ADGRL1: variants seen among roughly 807,000 people sequenced by gnomAD.
ADGRL1 encodes the protein adhesion G protein-coupled receptor L1, also known as CIRL-1.
ADGRL1 carries 31 observed loss-of-function variants against 148.9 expected under a neutral mutation model. The ratio of observed to expected loss-of-function variants is 0.21; its 90% CI spans 0.16 to 0.28. The LOEUF (loss-of-function observed/expected upper bound fraction) is 0.28, where lower values mean the gene tolerates loss of function less well. Among genes scored for constraint, ADGRL1 ranks in the 10% least tolerant of loss-of-function variants. ADGRL1 has a pLI of 1.00. For missense variants in ADGRL1, 1,521 were observed against 2,058.8 expected, an observed-to-expected ratio of 0.74 and a Z score of 5.05; for synonymous variants, 937 against 900.3, an observed-to-expected ratio of 1.04 and a Z score of -0.73.
In ADGRL1 at chr19:14,151,472, C is replaced by T. The variant is rs763058520; in HGVS notation, c.3811G>A (p.Asp1271Asn). 11 of 1,612,188 alleles carry T rather than the reference C, an allele frequency of 6.8e-6. No individual in the cohort carries two copies. Among genetic ancestry groups the T allele is most frequent in the Admixed American group, 1.7e-5 (1 of 59,704 alleles). The stretch of plus-strand genomic sequence containing the variant: ...ATCATCTTCTCAAAGGCCGCCGCAT[C>T]GGCTAGGTTCCGGCCTCGGGGCGGC... ...PEPPRGRNLADAAAFEKMIIS... is the reference protein window; with the variant it reads ...PEPPRGRNLANAAAFEKMIIS... The change falls in exon 23 of 23, where the codon GAT becomes AAT. Residue 1271 changes from aspartate to asparagine, a missense_variant. This residue lies in a region of ADGRL1 where 390 missense variants were observed against 375.0 expected (regional missense o/e 1.04). Transcript: ENST00000361434.
At chr19:14,205,194 C>G (rs1406791475) in intron 1 of ADGRL1, among the ~76,000 whole-genome samples, 1 of 152,032 alleles carries the variant, frequency 6.6e-6, no homozygotes, top group Non-Finnish European at 1.5e-5. Context: ...GTCCCAGGAC[C>G]GTCAGATGGG....
Position 14,161,537 on chromosome 19 carries a change from G to A in ADGRL1, c.1285C>T (p.Leu429Phe). ...STASPAATTP[L>F]RRAPLTTHPV... The stretch of plus-strand genomic sequence containing the variant: ...TGCGTGGTGAGGGGTGCCCGGCGGA[G>A]CGGGGTGGTGGCTGCGGGCGAGGCT... Residue 429 changes from leucine to phenylalanine, a missense_variant, in exon 6 of 23, where the codon CTC (leucine) becomes TTC (phenylalanine). Leu to Phe is a conservative substitution (Grantham distance 22). Coordinates refer to ENST00000361434, the MANE Select transcript of ADGRL1 (RefSeq NM_014921.5). This position sits in a 1 kb window ranked among gnomAD's most constrained non-coding sequence, Gnocchi z 4.4. The A allele has an allele frequency of 2.1e-6, 3 of 1,452,174 alleles. No individual in the cohort carries two copies. The highest frequency in any genetic ancestry group is 2.7e-6 in the Non-Finnish European group (3 of 1,102,614). The allele number at this position is 1,452,174 out of a possible 1,614,324, so 90.0% of individuals were successfully genotyped here. A position where few individuals can be genotyped will look rare whatever the true frequency, so the allele number is the denominator to read the frequency against.
In ADGRL1 at chr19:14,158,560, G is replaced by C; in HGVS notation, c.2150-8C>G. The C allele has an allele frequency of 6.2e-7, 1 of 1,610,180 alleles. No individual in the cohort carries two copies. Among genetic ancestry groups the C allele is most frequent in the Non-Finnish European group, 8.5e-7 (1 of 1,176,870 alleles). On this transcript the variant is annotated splice_polypyrimidine_tract_variant and splice_region_variant and intron_variant, in intron 11 of 22. Transcript: ENST00000361434. ...AGACAACTTTGACCACCCCTGGTGA[G>C]AACAGGCACGTTTGGATGTGTCAGC...
intron 1 of ADGRL1, among the ~76,000 whole-genome samples, chr19:14,192,849 C>G (rs972354813): frequency 6.6e-6 from 1 of 152,180 alleles, no homozygotes; most frequent in African/African-American, 2.4e-5. Context: ...CCGTGCCCAG[C>G]CTTCTAGATT....
chr19:14,203,418 G>A (rs1345050260), intron 1 of ADGRL1, among the ~76,000 whole-genome samples: 2 of 152,098 alleles, frequency 1.3e-5, no homozygotes, highest in African/African-American at 4.8e-5. Context: ...CCTCCCCACC[G>A]AGATGCCTGC....
intron 1 of ADGRL1, among the ~76,000 whole-genome samples, chr19:14,200,499 AGAG>A (rs1972529468): frequency 1.3e-5 from 2 of 152,170 alleles, no homozygotes; most frequent in Non-Finnish European, 2.9e-5. Context: ...AAAGGACTGA[AGAG>A]AAGAAGAGAA....
chr19:14,190,564 G>T (rs73509785), intron 1 of ADGRL1, among the ~76,000 whole-genome samples: 1,820 of 152,328 alleles, frequency 0.012, 35 homozygotes, highest in African/African-American at 0.041. Flanking sequence ...ATTCTGCCTG[G>T]TTAAAACGTG....
Position 14,155,136 on chromosome 19 carries a change from G to A in ADGRL1, c.3294+223C>T. The A allele has an allele frequency of 4.8e-6, 2 of 413,484 alleles. No homozygotes were observed. The highest frequency in any genetic ancestry group is 8.9e-6 in the Non-Finnish European group (2 of 225,158). The allele number at this position is 413,484 out of a possible 1,614,324, so 25.6% of individuals were successfully genotyped here. ...TCTGCTCTCACTCCTCTAAGTTGCT[G>A]TATCTTGTTTTCCAGAACCCTCTTC... On this transcript the variant is annotated intron_variant, in intron 18 of 22. Transcript: ENST00000361434. The surrounding 1 kb of genome is among the most constrained non-coding windows in gnomAD (Gnocchi z 5.0).
intron 1 of ADGRL1, among the ~76,000 whole-genome samples, chr19:14,190,614 T>TTC (rs1470319663): frequency 3.9e-5 from 6 of 152,040 alleles, no homozygotes; most frequent in African/African-American, 1.4e-4. Flanking sequence ...TTGACCTACA[T>TTC]CCCCCGCCTT....
In ADGRL1 at chr19:14,157,266, G is replaced by A. The variant is rs1323250549; in HGVS notation, c.2730C>T (p.Asp910=). ...CCCAGCCCACCTCATACTGAGTCTT[G>A]TCGATCCCGACCAGGAAGAGCAGCT... The part of the protein sequence containing the change: ...LAELLFLVGI[D]KTQYEIACPI... Residue 910 remains aspartate (D), a synonymous_variant, in exon 14 of 23, where the codon GAC becomes GAT. Coordinates refer to ENST00000361434, the MANE Select transcript of ADGRL1 (RefSeq NM_014921.5). The surrounding 1 kb of genome is among the most constrained non-coding windows in gnomAD (Gnocchi z 7.5). 3.7e-6 allele frequency: 6 copies of A among 1,614,070 alleles called. No homozygotes were observed. Among genetic ancestry groups the A allele is most frequent in the African/African-American group, 2.7e-5 (2 of 75,034 alleles).
At chr19:14,158,859 A>G (rs1392539702) in intron 11 of ADGRL1, among the ~76,000 whole-genome samples, 1 of 152,172 alleles carries the variant, frequency 6.6e-6, no homozygotes, top group African/African-American at 2.4e-5. Flanking sequence ...CTTCATCTCA[A>G]TGGCCCCATC....
chr19:14,162,086 T>C lies in ADGRL1; in HGVS notation c.1196-460A>G, dbSNP rs1289818716. On this transcript the variant is annotated intron_variant, in intron 5 of 22. Transcript: ENST00000361434. The surrounding 1 kb of genome is among the most constrained non-coding windows in gnomAD (Gnocchi z 5.4). ...CTTCTGGGGGCCTCAACTCCCCCTT[T>C]TGCAAACAAGATGGGGTTAGATCGG... 3.9e-5 allele frequency among the ~76,000 whole-genome samples: 6 copies of C among 152,156 alleles called. No homozygotes were observed. Among genetic ancestry groups the C allele is most frequent in the Admixed American group, 6.5e-5 (1 of 15,284 alleles).
rs773016649 is a variant in ADGRL1 at position 14,151,347 on chromosome 19, C to T, written c.3936G>A (p.Gly1312=). 20 of 1,599,658 alleles carry T rather than the reference C, an allele frequency of 1.3e-5. No homozygotes were observed. The highest frequency in any genetic ancestry group is 1.7e-5 in the Non-Finnish European group (20 of 1,174,036). ...CGGGCCCGCCCGCCTCTTCCTCGCCCCCGCCCCCTGGCACAGGTGGCACAG... is the reference window on the plus strand; with the variant it reads ...CGGGCCCGCCCGCCTCTTCCTCGCCTCCGCCCCCTGGCACAGGTGGCACAG... The part of the protein sequence containing the change: ...EPPVPPVPGG[G]GEEEAGGPGG... The change falls in exon 23 of 23, where the codon GGG becomes GGA. Residue 1312 remains glycine, a synonymous_variant. Coordinates refer to ENST00000361434, the MANE Select transcript of ADGRL1 (RefSeq NM_014921.5).
rs368883016 is a variant in ADGRL1, at chr19:14,159,553, C to T, written c.1871G>A (p.Arg624Gln). The T allele has an allele frequency of 1.4e-5, 23 of 1,603,634 alleles. No individual in the cohort carries two copies. The highest frequency in any genetic ancestry group is 5.5e-5 in the South Asian group (5 of 90,544). Reference protein sequence around the residue: ...AVVETVDNLLRPEALESWKDM... With the variant: ...AVVETVDNLLQPEALESWKDM... ...CTTCCAGGACTCCAGAGCTTCTGGC[C>T]GGAGCAGATTGTCCACTGTCTCCAC... The change falls in exon 10 of 23, where the codon CGG becomes CAG. Residue 624 changes from arginine to glutamine, a missense_variant. Arg to Gln is a conservative substitution (Grantham distance 43, BLOSUM62 1). Transcript: ENST00000361434. The surrounding 1 kb of genome is among the most constrained non-coding windows in gnomAD (Gnocchi z 6.0).
chr19:14,189,850 C>A (rs1432597453), intron 1 of ADGRL1, among the ~76,000 whole-genome samples: 1 of 152,246 alleles, frequency 6.6e-6, no homozygotes, highest in Non-Finnish European at 1.5e-5. Flanking sequence ...CAACACCTCA[C>A]CTAGACACCT....
chr19:14,201,709 C>T (rs997799328), intron 1 of ADGRL1, among the ~76,000 whole-genome samples: 2 of 152,172 alleles, frequency 1.3e-5, no homozygotes, highest in African/African-American at 4.8e-5. Context: ...AGTCACCACA[C>T]CTGGGTCAGG....
chr19:14,173,340 G>A (rs1481789174), intron 3 of ADGRL1, among the ~76,000 whole-genome samples: 6 of 152,014 alleles, frequency 3.9e-5, no homozygotes, highest in African/African-American at 1.5e-4. Flanking sequence ...ATGGCTCATT[G>A]TAGTCTCGAC....
Position 14,160,703 on chromosome 19 carries a change from G to A in ADGRL1, c.1511-7C>T, listed in dbSNP as rs755398096. The A allele has an allele frequency of 1.5e-5, 23 of 1,561,966 alleles. No individual in the cohort carries two copies. Among genetic ancestry groups the A allele is most frequent in the South Asian group, 3.4e-5 (3 of 89,394 alleles). ...CACTGGAAGGAGGCAATTCCTGCAG[G>A]GACAGACAGACAGGAACAGACAAGG... On this transcript the variant is annotated splice_polypyrimidine_tract_variant and splice_region_variant and intron_variant, in intron 6 of 22. Coordinates refer to ENST00000361434, the MANE Select transcript of ADGRL1 (RefSeq NM_014921.5). This position sits in a 1 kb window ranked among gnomAD's most constrained non-coding sequence, Gnocchi z 5.9.
rs906197441 is a variant in ADGRL1, at chr19:14,160,036, C to T, written c.1800+76G>A. On this transcript the variant is annotated intron_variant, in intron 8 of 22. Transcript: ENST00000361434. The surrounding 1 kb of genome is among the most constrained non-coding windows in gnomAD (Gnocchi z 5.9). ...GAGGTGGCAGCCTGGCTGGGAGGTA[C>T]CAGGTCAGGTACTTCCCAAGCCCCT... 17 of 1,451,898 alleles carry T rather than the reference C, an allele frequency of 1.2e-5. No homozygotes were observed. The highest frequency in any genetic ancestry group is 8.4e-5 in the African/African-American group (6 of 71,070). The allele number at this position is 1,451,898 out of a possible 1,614,324, so 89.9% of individuals were successfully genotyped here.
Sources: allele counts gnomAD v4.1 joint callset (sites outside exome capture counted in the v4.1 genomes callset), GRCh38; gene constraint gnomAD v4.1.1; regional missense constraint gnomAD v4.1.1; non-coding constraint Gnocchi (gnomAD v3.1); transcripts MANE v1.5; gene names NCBI Gene and HGNC (gene_info 2026-07-23, HGNC 2026-07-21).